The following TMEM130 variants were observed in gnomAD, a reference collection of about 807,000 sequenced individuals.
TMEM130 encodes the protein transmembrane protein 130.
A neutral mutation model predicts 42.9 loss-of-function variants in TMEM130; 37 were observed. The ratio of observed to expected loss-of-function variants is 0.86; its 90% CI spans 0.66 to 1.13. The LOEUF (loss-of-function observed/expected upper bound fraction) is 1.13, where lower values mean the gene tolerates loss of function less well. TMEM130 is among the 50% of genes most tolerant of loss of function. The probability of loss-of-function intolerance (pLI) is 0.00; values close to 1 mark genes in which losing one functional copy is unlikely to be tolerated. For missense variants in TMEM130, 545 were observed against 562.6 expected (o/e 0.97, Z 0.32); for synonymous variants, 259 against 237.7 (o/e 1.09, Z -0.82).
intron 3 of TMEM130, 131 bp from the exon 4 acceptor site, chr7:98,856,314 G>A (rs1794632711): frequency 3.5e-6 from 3 of 857,428 alleles, no homozygotes; most frequent in Non-Finnish European, 5.4e-6. Flanking sequence ...AGCTACCAGT[G>A]AGCACACCTG....
intron 1 of TMEM130, among the ~76,000 whole-genome samples, chr7:98,867,549 A>C (rs1794935392): frequency 1.3e-5 from 2 of 152,164 alleles, no homozygotes; most frequent in African/African-American, 4.8e-5. Context: ...CTGCATGCTA[A>C]TGGCCAAACA....
intron 1 of TMEM130, among the ~76,000 whole-genome samples, chr7:98,867,579 C>T (rs1206964215): frequency 1.3e-5 from 2 of 152,122 alleles, no homozygotes; most frequent in South Asian, 2.1e-4. Context: ...GTGAGACAGA[C>T]GCATGTTATC....
chr7:98,862,975 G>A (rs909948212), intron 2 of TMEM130, 120 bp downstream of exon 2: 85 of 1,050,824 alleles, frequency 8.1e-5, no homozygotes, highest in Non-Finnish European at 9.4e-5. Flanking sequence ...AGGAACCTAC[G>A]GGCCTAATCC....
chr7:98,869,854 TG>T lies in TMEM130; in HGVS notation c.7del (p.Gln3ArgfsTer45). On this transcript the variant is annotated frameshift_variant, in exon 1 of 8. Coordinates refer to ENST00000339375, the MANE Select transcript of TMEM130 (RefSeq NM_152913.3). LOFTEE classifies it high-confidence loss of function. This position sits in a 1 kb window ranked among gnomAD's most constrained non-coding sequence, Gnocchi z 4.7. MA[Q>X]AVWSRLGRIL... ...GCGGCCGAGGCGCGACCACACTGCCTGGGCCATTGCGGGGCCCGGAGCGGGA... is the reference window on the plus strand; with the variant it reads ...GCGGCCGAGGCGCGACCACACTGCCTGGCCATTGCGGGGCCCGGAGCGGGA... The T allele has an allele frequency of 1.4e-6, 2 of 1,395,710 alleles. No individual in the cohort carries two copies. Among genetic ancestry groups the T allele is most frequent in the Non-Finnish European group, 1.9e-6 (2 of 1,071,428 alleles). The allele number at this position is 1,395,710 out of a possible 1,614,324, so 86.5% of individuals were successfully genotyped here.
At position 98,847,789 on chromosome 7, in the gene TMEM130, C is replaced by T. The variant is rs1264610734; in HGVS notation, c.*267G>A. ...CCAAGCATCAAAGTCCTGCACGAAGCCTCTTCAAAGGTAGGGGGTCAAGGG... is the reference window on the plus strand; with the variant it reads ...CCAAGCATCAAAGTCCTGCACGAAGTCTCTTCAAAGGTAGGGGGTCAAGGG... On this transcript the variant is annotated 3_prime_UTR_variant, in exon 8 of 8. Coordinates refer to ENST00000339375, the MANE Select transcript of TMEM130 (RefSeq NM_152913.3). The T allele has an allele frequency of 1.8e-5, 6 of 330,742 alleles. No individual in the cohort carries two copies. The highest frequency in any genetic ancestry group is 4.7e-5 in the Admixed American group (1 of 21,272). 20.5% of individuals were successfully genotyped at this position (330,742 alleles called of 1,614,324 possible). A position where few individuals can be genotyped will look rare whatever the true frequency, so the allele number is the denominator to read the frequency against.
In TMEM130 at chr7:98,869,388, TG is replaced by T; in HGVS notation, c.85+388del. 1 of 1,196,122 alleles carries T rather than the reference TG, an allele frequency of 8.4e-7. No individual in the cohort carries two copies. Among genetic ancestry groups the T allele is most frequent in the Non-Finnish European group, 1.1e-6 (1 of 951,616 alleles). The allele number at this position is 1,196,122 out of a possible 1,614,324, so 74.1% of individuals were successfully genotyped here. A position where few individuals can be genotyped will look rare whatever the true frequency, so the allele number is the denominator to read the frequency against. Reference sequence around the variant, plus strand: ...GCCCATCCCGTGCTCCCTGGGGGACTGGGGAATTGTGGCGCGATGACGGACC... The same window carrying T: ...GCCCATCCCGTGCTCCCTGGGGGACTGGGAATTGTGGCGCGATGACGGACC... On this transcript the variant is annotated intron_variant, in intron 1 of 7. Coordinates refer to ENST00000339375, the MANE Select transcript of TMEM130 (RefSeq NM_152913.3). This position sits in a 1 kb window ranked among gnomAD's most constrained non-coding sequence, Gnocchi z 4.7.
chr7:98,850,370 C>T (rs1794472543), intron 6 of TMEM130, among the ~76,000 whole-genome samples: 1 of 149,876 alleles, frequency 6.7e-6, no homozygotes, highest in Non-Finnish European at 1.5e-5. Context: ...CTCCACCTCC[C>T]AGGTTCAAGG....
In TMEM130 at chr7:98,856,180, G is replaced by A. The variant is rs997267346; in HGVS notation, c.555C>T (p.Thr185=). 1 of 1,613,432 alleles carries A rather than the reference G, an allele frequency of 6.2e-7. No individual in the cohort carries two copies. The highest frequency in any genetic ancestry group is 1.7e-5 in the Admixed American group (1 of 60,014). The change falls in exon 4 of 8, where the codon ACC becomes ACT. Residue 185 remains threonine (T), a synonymous_variant. Transcript: ENST00000339375. ...FLYSWDFGDG[T]QMVTEDSVVY... ...CCACGGAGTCTTCAGTCACCATCTG[G>A]GTCCTGTTAGGAGACAGGGAGGAGA... is the stretch of plus-strand genomic sequence containing the variant.
At position 98,848,029 on chromosome 7, in the gene TMEM130, C is replaced by T. The variant is rs1554397595; in HGVS notation, c.*27G>A. 1 of 1,602,060 alleles carries T rather than the reference C, an allele frequency of 6.2e-7. No homozygotes were observed. The highest frequency in any genetic ancestry group is 8.5e-7 in the Non-Finnish European group (1 of 1,173,162). ...ACTCCAAGTCAGCAGTCAGTTAACA[C>T]TGAGATGGGGTGGGGAGGGGGAGTG... is the stretch of plus-strand genomic sequence containing the variant. On this transcript the variant is annotated 3_prime_UTR_variant, in exon 8 of 8. Coordinates refer to ENST00000339375, the MANE Select transcript of TMEM130 (RefSeq NM_152913.3).
intron 6 of TMEM130, among the ~76,000 whole-genome samples, chr7:98,850,288 T>TTTTTTTTTTTTTTTTTA (rs1554398034): frequency 5.3e-5 from 6 of 112,520 alleles, no homozygotes; most frequent in African/African-American, 1.8e-4. Context: ...TTTTTTTTTT[T>TTTTTTTTTTTTTTTTTA]AATTTTTTGA....
At chr7:98,864,354 A>G (rs1487501910) in intron 1 of TMEM130, among the ~76,000 whole-genome samples, 2 of 150,966 alleles carry the variant, frequency 1.3e-5, no homozygotes, top group Non-Finnish European at 2.9e-5. Flanking sequence ...TTGTAGGTCC[A>G]AGTCACCACG....
chr7:98,862,800 G>A (rs922631697), intron 2 of TMEM130, among the ~76,000 whole-genome samples: 1 of 152,088 alleles, frequency 6.6e-6, no homozygotes, highest in Non-Finnish European at 1.5e-5. Context: ...GCGCCCAGCT[G>A]AGACTACAAT....
chr7:98,866,965 C>G (rs781837978), intron 1 of TMEM130: 5 of 152,002 alleles, frequency 3.3e-5, no homozygotes, highest in Non-Finnish European at 7.3e-5. Context: ...GGCATGGTAG[C>G]GTGCACCTGT....
intron 6 of TMEM130, among the ~76,000 whole-genome samples, chr7:98,850,273 A>ATATATTTTTTTTTTTTTTTTTTTTTTTT: frequency 2.0e-4 from 7 of 35,466 alleles, no homozygotes; most frequent in Non-Finnish European, 3.2e-4. Context: ...ATATATATAT[A>ATATATTTTTTTTTTTTTTTTTTTTTTTT]TTTTTTTTTT....
At chr7:98,850,273 A>T (rs71539193) in intron 6 of TMEM130, among the ~76,000 whole-genome samples, 25,858 of 36,338 alleles carry the variant, frequency 0.71, 9,331 homozygotes, top group African/African-American at 0.82. Context: ...ATATATATAT[A>T]TTTTTTTTTT....
At chr7:98,850,277 T>A (rs868961015) in intron 6 of TMEM130, among the ~76,000 whole-genome samples, 17 of 69,532 alleles carry the variant, frequency 2.4e-4, no homozygotes, top group Non-Finnish European at 5.6e-4. Context: ...ATATATATTT[T>A]TTTTTTTTTT....
chr7:98,860,857 C>T lies in TMEM130; in HGVS notation c.392-519G>A, dbSNP rs1431576855. Among the ~76,000 whole-genome samples, 7 of 143,144 alleles carry T rather than the reference C, an allele frequency of 4.9e-5. 1 individual carries two copies. The highest frequency in any genetic ancestry group is 4.5e-4 in the South Asian group (2 of 4,484). The allele number at this position is 143,144 out of a possible 152,430, so 93.9% of individuals were successfully genotyped here. ...ATTTGGGAGGCTGAGGGAGGAGAAT[C>T]GCTTGAACCTGGGAGGCGGAGGTTG... On this transcript the variant is annotated intron_variant, in intron 2 of 7. Coordinates refer to ENST00000339375, the MANE Select transcript of TMEM130 (RefSeq NM_152913.3).
chr7:98,868,878 T>G (rs1794966288), intron 1 of TMEM130, among the ~76,000 whole-genome samples: 1 of 152,246 alleles, frequency 6.6e-6, no homozygotes, highest in South Asian at 2.1e-4. Flanking sequence ...CTTGTCCAAG[T>G]GCAATTCCCA....
chr7:98,858,363 AG>A (rs1794681664), intron 3 of TMEM130, among the ~76,000 whole-genome samples: 1 of 43,082 alleles, frequency 2.3e-5, no homozygotes, highest in Non-Finnish European at 6.3e-5. Flanking sequence ...CAACATAGTG[AG>A]ACCCCATCTC....
Sources: gnomAD v4.1 joint callset for allele counts (sites outside exome capture counted in the v4.1 genomes callset) on GRCh38, gnomAD v4.1.1 for gene constraint, Gnocchi (gnomAD v3.1) non-coding constraint, MANE v1.5 for transcripts, NCBI Gene and HGNC (gene_info 2026-07-23, HGNC 2026-07-21) for gene names.